The following EIF3CL variants were observed in gnomAD, a reference collection of about 807,000 sequenced individuals.
The protein encoded by EIF3CL is eukaryotic translation initiation factor 3 subunit C like.
For synonymous variants in EIF3CL, 2 were observed against 19.6 expected, an observed-to-expected ratio of 0.10 and a Z score of 2.37; for missense variants, 5 against 56.1, an observed-to-expected ratio of 0.09 and a Z score of 2.91.
chr16:28,418,026 G>A, the EIF3CL span, among the ~76,000 whole-genome samples: 1 of 146,554 alleles, frequency 6.8e-6, no homozygotes, highest in Non-Finnish European at 1.5e-5. Context: ...CTGGGCAACA[G>A]GAGTGAGACT....
chr16:28,391,884 A>G, intron 9 of EIF3CL, 29 bp from the exon 10 acceptor site: 1 of 1,438,002 alleles, frequency 7.0e-7, no homozygotes, highest in Non-Finnish European at 9.4e-7. Flanking sequence ...CGTCATGTAC[A>G]TGCCAGCGGG....
intron 2 of EIF3CL, among the ~76,000 whole-genome samples, chr16:28,403,094 T>C (rs1376671115): frequency 1.4e-5 from 2 of 144,844 alleles, no homozygotes; most frequent in Non-Finnish European, 3.1e-5. Flanking sequence ...ATAAAATGTT[T>C]AAGCACCTGC....
At chr16:28,417,807 T>C in the EIF3CL span, among the ~76,000 whole-genome samples, 9 of 133,490 alleles carry the variant, frequency 6.7e-5, no homozygotes, top group Non-Finnish European at 9.8e-5. Context: ...ACCCAAGAAT[T>C]ATCAATAAAA....
the EIF3CL span, among the ~76,000 whole-genome samples, chr16:28,411,202 C>T: frequency 2.1e-5 from 3 of 142,932 alleles, no homozygotes; most frequent in South Asian, 2.3e-4. Context: ...CACCACCACA[C>T]CTAGCTAATT....
the EIF3CL span, chr16:28,415,094 C>T: frequency 9.1e-6 from 3 of 329,772 alleles, no homozygotes; most frequent in Non-Finnish European, 1.8e-5. Flanking sequence ...TAGACACCAT[C>T]TCCCCAGCTC....
the EIF3CL span, among the ~76,000 whole-genome samples, chr16:28,415,697 C>G: frequency 7.5e-6 from 1 of 133,668 alleles, no homozygotes; most frequent in Non-Finnish European, 1.6e-5. Context: ...TTGCAGTGAG[C>G]TGAGATAGTG....
chr16:28,417,326 C>G, the EIF3CL span, among the ~76,000 whole-genome samples: 1 of 145,970 alleles, frequency 6.9e-6, no homozygotes, highest in Non-Finnish European at 1.5e-5. Flanking sequence ...TGCCCAACAG[C>G]TCATTGAGAA....
At chr16:28,417,100 G>A in the EIF3CL span, among the ~76,000 whole-genome samples, 3 of 117,954 alleles carry the variant, frequency 2.5e-5, no homozygotes, top group African/African-American at 6.4e-5. Flanking sequence ...GGGAAGTGAG[G>A]AGCCCCTCTG....
At chr16:28,382,219 A>AAAAGAAAG (rs1555463890) in intron 16 of EIF3CL, among the ~76,000 whole-genome samples, 1 of 85,962 alleles carries the variant, frequency 1.2e-5, no homozygotes, top group Non-Finnish European at 2.8e-5. Flanking sequence ...AAAAAAAAAA[A>AAAAGAAAG]AAAGAAAGAA....
intron 15 of EIF3CL, among the ~76,000 whole-genome samples, chr16:28,385,413 CCTCGACCTCCTGAG>C (rs1270186895): frequency 2.5e-5 from 3 of 121,174 alleles, no homozygotes; most frequent in African/African-American, 8.5e-5. Context: ...GCTCCTGCAG[CCTCGACCTCCTGAG>C]CTCAAGCAAT....
the EIF3CL span, among the ~76,000 whole-genome samples, chr16:28,417,159 G>A: frequency 1.9e-4 from 27 of 139,604 alleles, no homozygotes; most frequent in African/African-American, 6.0e-4. Flanking sequence ...TCAGCCCCCC[G>A]CCCGGCCAGC....
At chr16:28,414,936 G>A in the EIF3CL span, 8 of 509,600 alleles carry the variant, frequency 1.6e-5, 1 homozygote, top group Non-Finnish European at 2.0e-5. Flanking sequence ...TGAGGTCAGC[G>A]AGGCCAAGGA....
At chr16:28,416,930 T>C in the EIF3CL span, among the ~76,000 whole-genome samples, 3 of 70,710 alleles carry the variant, frequency 4.2e-5, no homozygotes, top group Non-Finnish European at 5.6e-5. Context: ...GTCTGGGAGG[T>C]GAGGGGCGCC....
chr16:28,419,173 A>G, the EIF3CL span, among the ~76,000 whole-genome samples: 2 of 150,140 alleles, frequency 1.3e-5, no homozygotes, highest in South Asian at 2.1e-4. Flanking sequence ...CGCCTGGCTA[A>G]TTTTTTGTAT....
the EIF3CL span, among the ~76,000 whole-genome samples, chr16:28,418,701 C>T: frequency 6.6e-6 from 1 of 151,800 alleles, no homozygotes; most frequent in African/African-American, 2.4e-5. Context: ...ATGATCTCAG[C>T]TCACTGAAGC....
chr16:28,417,016 G>T, the EIF3CL span, among the ~76,000 whole-genome samples: 1 of 81,898 alleles, frequency 1.2e-5, no homozygotes, highest in Non-Finnish European at 2.6e-5. Context: ...GGGAGGTGGG[G>T]GGGGTCAGCC....
At chr16:28,421,843 G>T in the EIF3CL span, among the ~76,000 whole-genome samples, 1 of 139,214 alleles carries the variant, frequency 7.2e-6, no homozygotes, top group Non-Finnish European at 1.6e-5. Context: ...ATTTGGATTG[G>T]ATTTTTCTCT....
At chr16:28,419,413 G>C in the EIF3CL span, among the ~76,000 whole-genome samples, 1 of 148,750 alleles carries the variant, frequency 6.7e-6, no homozygotes, top group Non-Finnish European at 1.5e-5. Flanking sequence ...GTGGAGATTT[G>C]TCAGTTGCCA....
the EIF3CL span, among the ~76,000 whole-genome samples, chr16:28,417,064 G>GC: frequency 2.5e-5 from 2 of 81,020 alleles, no homozygotes; most frequent in African/African-American, 9.0e-5. Context: ...GGGAGGTGAG[G>GC]GCGCCTCTGC....
Sources: allele counts gnomAD v4.1 joint callset (sites outside exome capture counted in the v4.1 genomes callset), GRCh38; gene constraint gnomAD v4.1.1; transcripts MANE v1.5; gene names NCBI Gene and HGNC (gene_info 2026-07-23, HGNC 2026-07-21).